The following PGCKA1 variants were observed in gnomAD, a reference collection of about 807,000 sequenced individuals.
PGCKA1 encodes the protein PDCD10 and GCKIII kinases associated 1.
the PGCKA1 span, among the ~76,000 whole-genome samples, chr4:37,502,008 C>T: frequency 6.6e-6 from 1 of 152,176 alleles, no homozygotes; most frequent in Admixed American, 6.5e-5. Flanking sequence ...ACTCAGCTCC[C>T]ATCTCCTAGA....
chr4:37,523,125 G>A, the PGCKA1 span, among the ~76,000 whole-genome samples: 1 of 152,194 alleles, frequency 6.6e-6, no homozygotes. Flanking sequence ...TTGGCCCTCA[G>A]TGGCAAGGTT....
chr4:37,581,438 G>C, the PGCKA1 span, among the ~76,000 whole-genome samples: 2 of 152,148 alleles, frequency 1.3e-5, no homozygotes, highest in Middle Eastern at 3.2e-3. The surrounding 1 kb of genome is among the most constrained non-coding windows in gnomAD (Gnocchi z 4.4). Context: ...GGGCCCAAGG[G>C]CTCTCCACTC....
At chr4:37,519,134 G>A in the PGCKA1 span, among the ~76,000 whole-genome samples, 30,321 of 152,030 alleles carry the variant, frequency 0.2, 3,685 homozygotes, top group African/African-American at 0.33. Flanking sequence ...CTATCTGTTT[G>A]TTTTTATGCC....
the PGCKA1 span, among the ~76,000 whole-genome samples, chr4:37,502,836 C>A: frequency 3.9e-5 from 6 of 152,022 alleles, no homozygotes; most frequent in East Asian, 9.7e-4. Context: ...TGATGCGGCA[C>A]CCTAGGGCAC....
the PGCKA1 span, among the ~76,000 whole-genome samples, chr4:37,487,049 T>C: frequency 6.6e-6 from 1 of 152,080 alleles, no homozygotes; most frequent in Admixed American, 6.6e-5. Context: ...ACACTGGGAG[T>C]GATTGATGGT....
the PGCKA1 span, among the ~76,000 whole-genome samples, chr4:37,551,402 A>G: frequency 6.6e-6 from 1 of 152,092 alleles, no homozygotes; most frequent in Non-Finnish European, 1.5e-5. Context: ...GGGATACTGG[A>G]CCCCCAATTA....
At chr4:37,465,655 C>T in the PGCKA1 span, among the ~76,000 whole-genome samples, 2 of 152,214 alleles carry the variant, frequency 1.3e-5, no homozygotes, top group East Asian at 3.9e-4. Flanking sequence ...TCTACCAGGT[C>T]CCTCTCAGTG....
chr4:37,539,024 C>A, the PGCKA1 span, among the ~76,000 whole-genome samples: 1 of 152,098 alleles, frequency 6.6e-6, no homozygotes, highest in Admixed American at 6.5e-5. Context: ...CTAAGAATGA[C>A]CCCCACATAG....
At chr4:37,483,858 A>G in the PGCKA1 span, among the ~76,000 whole-genome samples, 30 of 152,324 alleles carry the variant, frequency 2.0e-4, no homozygotes, top group African/African-American at 7.0e-4. Context: ...GGAGGTGAGC[A>G]GTTTGTGAGA....
the PGCKA1 span, among the ~76,000 whole-genome samples, chr4:37,455,171 G>T: frequency 6.6e-6 from 1 of 152,116 alleles, no homozygotes; most frequent in African/African-American, 2.4e-5. Context: ...AAACATAATA[G>T]AGTCTATATT....
the PGCKA1 span, among the ~76,000 whole-genome samples, chr4:37,494,177 AT>A: frequency 2.0e-5 from 3 of 152,142 alleles, no homozygotes; most frequent in Non-Finnish European, 4.4e-5. Context: ...GAGGTTTGTT[AT>A]ATGCAGGTAA....
At chr4:37,476,806 A>AAATTACCTTGCCT in the PGCKA1 span, among the ~76,000 whole-genome samples, 3 of 152,194 alleles carry the variant, frequency 2.0e-5, no homozygotes, top group Admixed American at 6.5e-5. Context: ...GAATTTTTGA[A>AAATTACCTTGCCT]AATTACCTTG....
chr4:37,584,760 G>T, the PGCKA1 span, among the ~76,000 whole-genome samples: 2 of 152,080 alleles, frequency 1.3e-5, no homozygotes, highest in Non-Finnish European at 2.9e-5. Flanking sequence ...GGAGTGCAAG[G>T]TGTCACTCTG....
chr4:37,470,262 A>G, the PGCKA1 span, among the ~76,000 whole-genome samples: 2 of 152,206 alleles, frequency 1.3e-5, no homozygotes, highest in African/African-American at 2.4e-5. Flanking sequence ...TTACCTCACA[A>G]TCAACTGAGA....
chr4:37,525,869 A>T, the PGCKA1 span, among the ~76,000 whole-genome samples: 1 of 152,324 alleles, frequency 6.6e-6, no homozygotes, highest in East Asian at 1.9e-4. Context: ...CATCAATGAA[A>T]ACTCATTTCT....
chr4:37,512,477 CAG>C, the PGCKA1 span, among the ~76,000 whole-genome samples: 1 of 112,336 alleles, frequency 8.9e-6, no homozygotes, highest in African/African-American at 4.4e-5. Flanking sequence ...TTTTTTGAGA[CAG>C]AGTCTCACTC....
At chr4:37,577,233 G>A in the PGCKA1 span, among the ~76,000 whole-genome samples, 1 of 151,984 alleles carries the variant, frequency 6.6e-6, no homozygotes, top group Non-Finnish European at 1.5e-5. Flanking sequence ...TTTGCTGGGA[G>A]ACTTTATTAC....
At chr4:37,494,852 T>C in the PGCKA1 span, among the ~76,000 whole-genome samples, 7 of 152,160 alleles carry the variant, frequency 4.6e-5, no homozygotes, top group Admixed American at 4.6e-4. Context: ...ATTATGGTTT[T>C]GATTTGCATT....
At chr4:37,466,973 C>T in the PGCKA1 span, among the ~76,000 whole-genome samples, 53 of 152,256 alleles carry the variant, frequency 3.5e-4, no homozygotes, top group Non-Finnish European at 4.4e-4. Flanking sequence ...TGGTGGGCAC[C>T]TGTAATCCCA....
Sources: gnomAD v4.1 joint callset for allele counts (sites outside exome capture counted in the v4.1 genomes callset) on GRCh38, gnomAD v4.1.1 for gene constraint, Gnocchi (gnomAD v3.1) non-coding constraint, MANE v1.5 for transcripts, NCBI Gene and HGNC (gene_info 2026-07-23, HGNC 2026-07-21) for gene names.